Variants in SCN10A observed in about 807,000 individuals in gnomAD.
The protein encoded by SCN10A is sodium voltage-gated channel alpha subunit 10.
SCN10A carries 162 observed loss-of-function variants against 170.7 expected under a neutral mutation model. The ratio of observed to expected loss-of-function variants is 0.95; its 90% CI spans 0.84 to 1.08. The LOEUF (loss-of-function observed/expected upper bound fraction) is 1.08. SCN10A is among the 50% of genes least tolerant of loss of function. The pLI is 0.00. For synonymous variants in SCN10A, 985 were observed against 904.6 expected, an observed-to-expected ratio of 1.09 and a Z score of -1.59; for missense variants, 2,527 against 2,436.9, an observed-to-expected ratio of 1.04 and a Z score of -0.78.
Position 38,811,960 on chromosome 3 carries a change from C to T in SCN10A, c.-33+4077G>A, listed in dbSNP as rs549483756. Among the ~76,000 whole-genome samples, 448 of 152,322 alleles carry T rather than the reference C, an allele frequency of 2.9e-3. 4 individuals are homozygous for T. Among genetic ancestry groups the T allele is most frequent in the African/African-American group, 0.01 (431 of 41,574 alleles). On this transcript the variant is annotated intron_variant, in intron 1 of 27. Transcript: ENST00000449082. Reference sequence around the variant, plus strand: ...GATGTCCCGAGCCCCCTGCCGCTCACTTGGTTTACGGTGGGGCAATGAGCC... The same window carrying T: ...GATGTCCCGAGCCCCCTGCCGCTCATTTGGTTTACGGTGGGGCAATGAGCC...
intron 27 of SCN10A, among the ~76,000 whole-genome samples, chr3:38,700,951 G>A (rs1220512379): frequency 1.3e-5 from 2 of 152,236 alleles, no homozygotes; most frequent in Non-Finnish European, 2.9e-5. Context: ...GGCTGTTGGT[G>A]ACAGGCAGCA....
chr3:38,742,694 C>A (rs1176191217), intron 13 of SCN10A, among the ~76,000 whole-genome samples, 165 bp from the exon 14 acceptor site: 1 of 152,182 alleles, frequency 6.6e-6, no homozygotes, highest in African/African-American at 2.4e-5. Context: ...TTTTGAACTC[C>A]TTTAGTCCTG....
chr3:38,783,816 C>T (rs906714304), intron 4 of SCN10A, among the ~76,000 whole-genome samples: 2 of 151,928 alleles, frequency 1.3e-5, no homozygotes, highest in Admixed American at 6.6e-5. Flanking sequence ...ATTTACACTC[C>T]CACCAGCAGT....
At chr3:38,786,574 C>T (rs528036607) in intron 4 of SCN10A, among the ~76,000 whole-genome samples, 1 of 152,140 alleles carries the variant, frequency 6.6e-6, no homozygotes, top group African/African-American at 2.4e-5. Context: ...ATGTGTATAC[C>T]TATGTAACAA....
chr3:38,725,272 T>C lies in SCN10A; in HGVS notation c.3130A>G (p.Thr1044Ala), dbSNP rs147093541. The stretch of plus-strand genomic sequence containing the variant: ...GTTCCAGTGCCTGGGCTCCTGGGTG[T>C]CAGGTGGTCCCCACACCTCTCGACT... ...QQVERCGDHL[T>A]PRSPGTGTSS... The change falls in exon 18 of 28, where the codon ACA becomes GCA. Residue 1044 changes from threonine to alanine, a missense_variant. Physicochemically the swap from Thr to Ala is moderately conservative, Grantham distance 58 (BLOSUM62 0). Transcript: ENST00000449082. The C allele has an allele frequency of 2.6e-5, 42 of 1,599,804 alleles. No homozygotes were observed. The highest frequency in any genetic ancestry group is 3.5e-5 in the Non-Finnish European group (41 of 1,169,678).
At chr3:38,789,136 C>A in intron 3 of SCN10A, 100 bp from the exon 4 acceptor site, 1 of 743,772 alleles carries the variant, frequency 1.3e-6, no homozygotes, top group Non-Finnish European at 2.4e-6. Flanking sequence ...AAATCTTAGC[C>A]AATATTAGCT....
At chr3:38,702,238 C>G (rs373351802) in intron 26 of SCN10A, 129 bp from the exon 27 acceptor site, 20 of 981,438 alleles carry the variant, frequency 2.0e-5, no homozygotes, top group East Asian at 1.7e-4. Context: ...CTATCCTTAC[C>G]TCTTCCAAAA....
intron 1 of SCN10A, among the ~76,000 whole-genome samples, chr3:38,796,910 TC>T (rs752517344): frequency 2.0e-5 from 3 of 152,126 alleles, no homozygotes; most frequent in Admixed American, 6.6e-5. Flanking sequence ...GCATTGATTT[TC>T]CAGAACCTAG....
intron 6 of SCN10A, among the ~76,000 whole-genome samples, chr3:38,762,545 G>T (rs181850230): frequency 6.6e-6 from 1 of 152,292 alleles, no homozygotes; most frequent in East Asian, 1.9e-4. Flanking sequence ...TTGCAGAACC[G>T]TAGGTGGATT....
chr3:38,788,121 C>G (rs1227213666), intron 4 of SCN10A, among the ~76,000 whole-genome samples: 1 of 147,656 alleles, frequency 6.8e-6, no homozygotes, highest in Non-Finnish European at 1.5e-5. Flanking sequence ...ATGATTTTAG[C>G]ATCAATTAAG....
intron 4 of SCN10A, among the ~76,000 whole-genome samples, chr3:38,775,450 T>C (rs531149183): frequency 1.3e-5 from 2 of 152,334 alleles, no homozygotes; most frequent in African/African-American, 2.4e-5. Flanking sequence ...TTTACATATA[T>C]ACTACATTTT....
intron 1 of SCN10A, among the ~76,000 whole-genome samples, chr3:38,796,823 T>A (rs1211516115): frequency 3.9e-5 from 6 of 152,164 alleles, no homozygotes; most frequent in Non-Finnish European, 8.8e-5. Context: ...ATCTGATTTG[T>A]AATTTCTGTT....
intron 4 of SCN10A, among the ~76,000 whole-genome samples, chr3:38,776,703 C>T (rs542748350): frequency 1.3e-5 from 2 of 152,130 alleles, no homozygotes; most frequent in Admixed American, 6.5e-5. Context: ...AGATGAATTG[C>T]TCTGCTAAAC....
intron 15 of SCN10A, among the ~76,000 whole-genome samples, chr3:38,738,763 T>C (rs537561639): frequency 6.6e-6 from 1 of 152,104 alleles, no homozygotes; most frequent in East Asian, 1.9e-4. Flanking sequence ...GACCCGACAC[T>C]CCTGGGAATC....
At chr3:38,742,659 C>G (rs917896086) in intron 13 of SCN10A, 130 bp from the exon 14 acceptor site, 7 of 723,340 alleles carry the variant, frequency 9.7e-6, no homozygotes, top group Admixed American at 1.9e-5. Context: ...AGCCCTCTCT[C>G]TGTCTCTGGT....
At position 38,769,026 on chromosome 3, in the gene SCN10A, T is replaced by C. The variant is rs187855541; in HGVS notation, c.599+2253A>G. ...CTTCGAGCTCTGAAGTTCTTTCTTC[T>C]ACTTGTTCTAGTCTATTGTTGAAAC... On this transcript the variant is annotated intron_variant, in intron 5 of 27. Coordinates refer to ENST00000449082, the MANE Select transcript of SCN10A (RefSeq NM_006514.4). 2.6e-5 allele frequency among the ~76,000 whole-genome samples: 4 copies of C among 152,290 alleles called. No homozygotes were observed. The East Asian group carries it at 7.7e-4, about 29-fold the overall frequency.
At chr3:38,794,774 T>A (rs1310468620) in intron 1 of SCN10A, among the ~76,000 whole-genome samples, 2 of 152,198 alleles carry the variant, frequency 1.3e-5, no homozygotes, top group Admixed American at 1.3e-4. Context: ...AGTCAGCAGT[T>A]TCTTCTAGTC....
Position 38,712,355 on chromosome 3 carries a change from C to CTT in SCN10A, c.3894_3895insAA (p.Gly1299LysfsTer3). ...AACTTCCCTGCGAAGAGGTTCACACCCATGATGCTGAAGATGAGCCAGAAG... is the reference window on the plus strand; with the variant it reads ...AACTTCCCTGCGAAGAGGTTCACACCTTCATGATGCTGAAGATGAGCCAGAAG... On this transcript the variant is annotated frameshift_variant, in exon 23 of 28. Transcript: ENST00000449082. LOFTEE classifies it high-confidence loss of function. 6.2e-7 allele frequency: 1 copy of CTT among 1,614,116 alleles called. No homozygotes were observed. The highest frequency in any genetic ancestry group is 8.5e-7 in the Non-Finnish European group (1 of 1,180,016).
At chr3:38,784,102 C>A (rs1179014573) in intron 4 of SCN10A, among the ~76,000 whole-genome samples, 2 of 152,134 alleles carry the variant, frequency 1.3e-5, no homozygotes, top group East Asian at 3.9e-4. Context: ...AATATAAGCA[C>A]TTGCTTTTTC....
Sources: gnomAD v4.1 joint callset for allele counts (sites outside exome capture counted in the v4.1 genomes callset) on GRCh38, gnomAD v4.1.1 for gene constraint, MANE v1.5 for transcripts, NCBI Gene and HGNC (gene_info 2026-07-23, HGNC 2026-07-21) for gene names.